Variants in DNAI1 observed in about 807,000 individuals in gnomAD.
The protein encoded by DNAI1 is dynein, axonemal, intermediate polypeptide 1.
Under a neutral mutation model 92.0 loss-of-function variants are expected in DNAI1, and 67 were observed. The ratio of observed to expected loss-of-function variants is 0.73; its 90% CI spans 0.60 to 0.89. DNAI1 has a LOEUF of 0.89. Among genes scored for constraint, DNAI1 ranks in the 40% least tolerant of loss-of-function variants. The pLI is 0.00. For synonymous variants in DNAI1, 323 were observed against 319.6 expected, an observed-to-expected ratio of 1.01 and a Z score of -0.11; for missense variants, 839 against 866.6, an observed-to-expected ratio of 0.97 and a Z score of 0.40.
At chr9:34,520,550 G>A in intron 19 of DNAI1, 108 bp from the exon 20 acceptor site, 1 of 981,050 alleles carries the variant, frequency 1.0e-6, no homozygotes, top group Non-Finnish European at 1.6e-6. Context: ...TTACTGGGCA[G>A]GGGAGGGGTA....
At chr9:34,485,563 G>A in intron 4 of DNAI1, 46 bp downstream of exon 4, 1 of 1,574,434 alleles carries the variant, frequency 6.4e-7, no homozygotes, top group South Asian at 1.1e-5. Flanking sequence ...CCATCTCCTT[G>A]GAGTGACAGT....
chr9:34,505,483 C>T (rs1328536), intron 12 of DNAI1, among the ~76,000 whole-genome samples: 90,881 of 152,096 alleles, frequency 0.6, 27,715 homozygotes, highest in African/African-American at 0.72. Flanking sequence ...CAGAATCCCT[C>T]TTGCCATGAA....
chr9:34,466,677 A>G (rs943847674), intron 1 of DNAI1, among the ~76,000 whole-genome samples: 1 of 152,248 alleles, frequency 6.6e-6, no homozygotes, highest in African/African-American at 2.4e-5. Flanking sequence ...AAGTACATAG[A>G]TAACCTAGAA....
chr9:34,520,684 G>A lies in DNAI1; in HGVS notation c.2028G>A (p.Lys676=), dbSNP rs1377892484. ...AAAAGAAGGGGCAGGAGGTGCAGAA[G>A]GGTCCAGCTGTGGAGATTGCGAAAC... ...PKEKKGQEVQ[K]GPAVEIAKLD... Residue 676 remains lysine, a synonymous_variant, in exon 20 of 20, where the codon AAG becomes AAA. Coordinates refer to ENST00000242317, the MANE Select transcript of DNAI1 (RefSeq NM_012144.4). The A allele has an allele frequency of 3.2e-6, 5 of 1,551,682 alleles. No homozygotes were observed. Among genetic ancestry groups the A allele is most frequent in the Middle Eastern group, 1.7e-4 (1 of 5,982 alleles).
chr9:34,517,571 G>A (rs1160545725), intron 19 of DNAI1, 104 bp downstream of exon 19: 8 of 1,336,412 alleles, frequency 6.0e-6, no homozygotes, highest in African/African-American at 1.4e-5. Flanking sequence ...TCTGATGTGG[G>A]AGACCCAGGG....
chr9:34,507,310 T>G (rs1361919706), intron 13 of DNAI1, among the ~76,000 whole-genome samples: 1 of 152,216 alleles, frequency 6.6e-6, no homozygotes, highest in Admixed American at 6.5e-5. Context: ...TAGCTTACTT[T>G]TGACCAGAAG....
At chr9:34,461,913 T>G (rs1029592069) in intron 1 of DNAI1, among the ~76,000 whole-genome samples, 1 of 151,968 alleles carries the variant, frequency 6.6e-6, no homozygotes, top group Non-Finnish European at 1.5e-5. Flanking sequence ...TAAAGGAGGA[T>G]GGGATCCCTG....
At chr9:34,460,926 C>T (rs1002092584) in intron 1 of DNAI1, among the ~76,000 whole-genome samples, 1 of 152,098 alleles carries the variant, frequency 6.6e-6, no homozygotes, top group East Asian at 1.9e-4. Context: ...CTGCAAGCTC[C>T]GCCTCCTGGG....
At chr9:34,468,347 AT>A (rs376170581) in intron 1 of DNAI1, among the ~76,000 whole-genome samples, 428 of 141,798 alleles carry the variant, frequency 3.0e-3, no homozygotes, top group Middle Eastern at 3.5e-3. Flanking sequence ...CGCCTGGCTA[AT>A]TTTTTTTTTT....
intron 7 of DNAI1, among the ~76,000 whole-genome samples, chr9:34,490,993 G>A (rs1564033332): frequency 1.3e-5 from 2 of 152,226 alleles, no homozygotes; most frequent in South Asian, 2.1e-4. Flanking sequence ...GATGGAGGGC[G>A]AGGTCTACAG....
At chr9:34,518,858 A>AGAGCTGGGCTGT in intron 19 of DNAI1, among the ~76,000 whole-genome samples, 1 of 138,572 alleles carries the variant, frequency 7.2e-6, no homozygotes, top group African/African-American at 2.7e-5. Context: ...CATGGGTGGG[A>AGAGCTGGGCTGT]GCCTGCCCTG....
intron 1 of DNAI1, among the ~76,000 whole-genome samples, chr9:34,481,723 C>T (rs984031434): frequency 9.9e-5 from 15 of 151,838 alleles, no homozygotes; most frequent in Non-Finnish European, 2.2e-4. Flanking sequence ...CTTAAGATAG[C>T]GCGTCTGGAG....
intron 8 of DNAI1, among the ~76,000 whole-genome samples, chr9:34,492,381 T>C (rs1487424761): frequency 1.3e-5 from 2 of 150,960 alleles, no homozygotes; most frequent in Non-Finnish European, 3.0e-5. Flanking sequence ...TAGCAAATGT[T>C]CCCTTACCTT....
chr9:34,487,138 G>T (rs2132059110), intron 4 of DNAI1, among the ~76,000 whole-genome samples: 1 of 152,008 alleles, frequency 6.6e-6, no homozygotes, highest in East Asian at 1.9e-4. Context: ...ATTTAAGATT[G>T]TGTAGTCAAC....
intron 12 of DNAI1, among the ~76,000 whole-genome samples, chr9:34,505,395 C>T (rs969652435): frequency 6.6e-6 from 1 of 152,184 alleles, no homozygotes; most frequent in Non-Finnish European, 1.5e-5. Flanking sequence ...TATAAGAACC[C>T]TTGTGATTAC....
intron 1 of DNAI1, among the ~76,000 whole-genome samples, chr9:34,476,519 T>A (rs1386228479): frequency 1.3e-5 from 2 of 152,098 alleles, no homozygotes; most frequent in Non-Finnish European, 2.9e-5. Context: ...AACTTAAAGA[T>A]CATCCAAAAG....
At chr9:34,489,949 C>T in intron 5 of DNAI1, 63 bp from the exon 6 acceptor site, 1 of 1,592,862 alleles carries the variant, frequency 6.3e-7, no homozygotes, top group Non-Finnish European at 8.6e-7. Context: ...CAAGAAAGCC[C>T]TCCCTGCCAC....
At chr9:34,466,623 G>A (rs1252337724) in intron 1 of DNAI1, among the ~76,000 whole-genome samples, 1 of 152,240 alleles carries the variant, frequency 6.6e-6, no homozygotes, top group African/African-American at 2.4e-5. Flanking sequence ...GAGGATGAGA[G>A]AAGGGAGAAG....
intron 4 of DNAI1, among the ~76,000 whole-genome samples, chr9:34,487,713 A>G (rs749029635): frequency 3.3e-5 from 5 of 152,022 alleles, no homozygotes; most frequent in Non-Finnish European, 7.4e-5. Context: ...TGCCTTGTCA[A>G]TTTCAACGTA....
Sources: gnomAD v4.1 joint callset for allele counts (sites outside exome capture counted in the v4.1 genomes callset) on GRCh38, gnomAD v4.1.1 for gene constraint, MANE v1.5 for transcripts, NCBI Gene and HGNC (gene_info 2026-07-23, HGNC 2026-07-21) for gene names.